AGPS: variants seen among roughly 807,000 people sequenced by gnomAD.
The protein encoded by AGPS is alkyldihydroxyacetonephosphate synthase, peroxisomal.
In AGPS, 26 loss-of-function variants were observed where a neutral mutation model predicts 90.7. That is an observed-to-expected ratio of 0.29 (90% CI 0.21 to 0.40). The LOEUF is 0.40. Ranked by LOEUF, AGPS falls within the 10% of genes least tolerant of loss-of-function variation. AGPS has a pLI of 1.00. For synonymous variants in AGPS, 294 were observed against 285.3 expected (o/e 1.03, Z -0.31); for missense variants, 540 against 816.1 (o/e 0.66, Z 4.12).
chr2:177,430,059 A>T lies in AGPS; in HGVS notation c.351-4268A>T, dbSNP rs547922344. 5.8e-4 allele frequency among the ~76,000 whole-genome samples: 89 copies of T among 152,336 alleles called. No homozygotes were observed. The Middle Eastern group carries it at 0.01, about 17-fold the overall frequency. Reference sequence around the variant, plus strand: ...TGGATTGGGGTCCCACTTAAAAAAAAGCAGTCTGGCCACAATCTGGCATAG... The same window carrying T: ...TGGATTGGGGTCCCACTTAAAAAAATGCAGTCTGGCCACAATCTGGCATAG... On this transcript the variant is annotated intron_variant, in intron 2 of 19. Coordinates refer to ENST00000264167, the MANE Select transcript of AGPS (RefSeq NM_003659.4).
chr2:177,453,668 A>G lies in AGPS; in HGVS notation c.870+8042A>G, dbSNP rs1185081891. The stretch of plus-strand genomic sequence containing the variant: ...TCTTTATAACTATAATACCATTATC[A>G]TGTCTAAGAAAATCAGTAGTAATTT... On this transcript the variant is annotated intron_variant, in intron 8 of 19. Transcript: ENST00000264167. Among the ~76,000 whole-genome samples the G allele has an allele frequency of 2.1e-5, 3 of 145,090 alleles. No individual in the cohort carries two copies. The East Asian group carries it at 6.3e-4, about 30-fold the overall frequency.
chr2:177,503,242 GT>G (rs1688611821), intron 14 of AGPS, among the ~76,000 whole-genome samples: 1 of 152,094 alleles, frequency 6.6e-6, no homozygotes. Flanking sequence ...GTTTATCCAT[GT>G]TTGCTAGTAA....
chr2:177,422,361 A>G (rs1013450638), intron 2 of AGPS, among the ~76,000 whole-genome samples: 1 of 152,112 alleles, frequency 6.6e-6, no homozygotes, highest in Non-Finnish European at 1.5e-5. Flanking sequence ...GTCTTGATAG[A>G]GATTTTTATA....
At chr2:177,450,518 C>T (rs1395065505) in intron 8 of AGPS, among the ~76,000 whole-genome samples, 1 of 151,986 alleles carries the variant, frequency 6.6e-6, no homozygotes, top group African/African-American at 2.4e-5. Context: ...CATGGATATC[C>T]AATTGTTCAG....
intron 1 of AGPS, among the ~76,000 whole-genome samples, chr2:177,412,235 A>G (rs566827114): frequency 6.6e-6 from 1 of 152,262 alleles, no homozygotes; most frequent in Admixed American, 6.5e-5. Flanking sequence ...TACACTTTCA[A>G]GAAAGTCATG....
At chr2:177,468,566 G>A (rs772143835) in intron 10 of AGPS, 42 bp downstream of exon 10, 66 of 1,380,848 alleles carry the variant, frequency 4.8e-5, no homozygotes, top group Middle Eastern at 4.0e-4. Context: ...ATACAGGTTA[G>A]TCATGCAGTT....
chr2:177,470,618 C>T (rs1022452142), intron 10 of AGPS, among the ~76,000 whole-genome samples: 8 of 149,280 alleles, frequency 5.4e-5, no homozygotes, highest in African/African-American at 1.5e-4. Context: ...GCACAAGAAT[C>T]GCTTGAACCC....
At chr2:177,537,262 G>C (rs1422221283) in intron 19 of AGPS, among the ~76,000 whole-genome samples, 1 of 152,024 alleles carries the variant, frequency 6.6e-6, no homozygotes, top group East Asian at 1.9e-4. Context: ...CTTACAAAAG[G>C]TTATGTTTTT....
rs190436168 is a variant in AGPS, at chr2:177,512,424, A to G, written c.1608-1395A>G. ...CAGATACTGTATTCATAAAGATAAA[A>G]AATGTGACATGCTAATAAGACACTA... On this transcript the variant is annotated intron_variant, in intron 16 of 19. Transcript: ENST00000264167. Among the ~76,000 whole-genome samples, 28 of 152,310 alleles carry G rather than the reference A, an allele frequency of 1.8e-4. 1 individual carries two copies. In the East Asian group the frequency reaches 5.4e-3, roughly 29 times the overall value.
intron 1 of AGPS, among the ~76,000 whole-genome samples, chr2:177,395,528 G>A (rs1685148003): frequency 2.0e-5 from 3 of 152,202 alleles, no homozygotes; most frequent in Non-Finnish European, 1.5e-5. Flanking sequence ...CTTCCACAGA[G>A]GGTGATATAC....
At chr2:177,492,115 C>T (rs1172547170) in intron 11 of AGPS, among the ~76,000 whole-genome samples, 2 of 151,998 alleles carry the variant, frequency 1.3e-5, no homozygotes, top group East Asian at 1.9e-4. Context: ...TGTGTACTTA[C>T]GTGAATTGTT....
At chr2:177,475,203 A>G (rs970366195) in intron 10 of AGPS, among the ~76,000 whole-genome samples, 2 of 152,206 alleles carry the variant, frequency 1.3e-5, no homozygotes, top group African/African-American at 2.4e-5. Context: ...GGAATTTCTA[A>G]AAGTGTTGAA....
chr2:177,520,942 A>T (rs1388981905), intron 17 of AGPS, among the ~76,000 whole-genome samples: 2 of 152,368 alleles, frequency 1.3e-5, no homozygotes, highest in Admixed American at 6.5e-5. Flanking sequence ...GATACAATGT[A>T]TAAAAGTTTT....
intron 11 of AGPS, among the ~76,000 whole-genome samples, chr2:177,492,884 T>G (rs1688305930): frequency 6.7e-6 from 1 of 149,170 alleles, no homozygotes; most frequent in East Asian, 2.0e-4. Context: ...AGGCAGCTTT[T>G]TCTGCTGATA....
chr2:177,400,707 CTTG>C (rs1314873861), intron 1 of AGPS, among the ~76,000 whole-genome samples: 1 of 152,164 alleles, frequency 6.6e-6, no homozygotes, highest in Non-Finnish European at 1.5e-5. Flanking sequence ...TGACCAGATT[CTTG>C]TTGTTGACCT....
chr2:177,509,533 G>T (rs1688808252), intron 16 of AGPS, among the ~76,000 whole-genome samples: 1 of 151,928 alleles, frequency 6.6e-6, no homozygotes, highest in Non-Finnish European at 1.5e-5. Flanking sequence ...GGGCCTGGTG[G>T]CGGGCGTCTG....
chr2:177,500,177 T>C (rs1254878129), intron 14 of AGPS, among the ~76,000 whole-genome samples: 1 of 151,998 alleles, frequency 6.6e-6, no homozygotes, highest in African/African-American at 2.4e-5. Flanking sequence ...TTATCTATAC[T>C]GCACCCCCTG....
chr2:177,485,084 A>T (rs573522665), intron 11 of AGPS, among the ~76,000 whole-genome samples: 145 of 152,306 alleles, frequency 9.5e-4, no homozygotes, highest in African/African-American at 3.1e-3. Flanking sequence ...TAGATTTTTT[A>T]AAAAATTACA....
At chr2:177,519,607 GA>G (rs1689122370) in intron 17 of AGPS, among the ~76,000 whole-genome samples, 1 of 152,166 alleles carries the variant, frequency 6.6e-6, no homozygotes, top group South Asian at 2.1e-4. Flanking sequence ...GTTATAGCCA[GA>G]ACTGAACAGT....
Sources: gnomAD v4.1 joint callset for allele counts (sites outside exome capture counted in the v4.1 genomes callset) on GRCh38, gnomAD v4.1.1 for gene constraint, MANE v1.5 for transcripts, NCBI Gene and HGNC (gene_info 2026-07-23, HGNC 2026-07-21) for gene names.